The following PCDH15 variants were observed in gnomAD, a reference collection of about 807,000 sequenced individuals.
PCDH15 encodes the protein protocadherin related 15.
PCDH15 carries 129 observed loss-of-function variants against 178.5 expected under a neutral mutation model. The ratio of observed to expected loss-of-function variants is 0.72; its 90% confidence interval spans 0.63 to 0.84. PCDH15 has a LOEUF of 0.84. Ranked by LOEUF, PCDH15 falls within the 40% of genes least tolerant of loss-of-function variation. The pLI is 0.00. For missense variants in PCDH15, 2,230 were observed against 2,099.9 expected (o/e 1.06, Z -1.21); for synonymous variants, 800 against 732.0 (o/e 1.09, Z -1.50).
chr10:53,845,406 T>C (rs1053469074), intron 28 of PCDH15, among the ~76,000 whole-genome samples: 9 of 151,862 alleles, frequency 5.9e-5, no homozygotes, highest in Admixed American at 4.6e-4. Context: ...AATCAATATA[T>C]TGAAGAGTTA....
At chr10:54,911,106 G>A (rs1161153307) in intron 2 of PCDH15, among the ~76,000 whole-genome samples, 1 of 152,202 alleles carries the variant, frequency 6.6e-6, no homozygotes, top group Non-Finnish European at 1.5e-5. Context: ...TAATTTTTAA[G>A]ACTTTGAGTT....
intron 2 of PCDH15, among the ~76,000 whole-genome samples, chr10:55,155,999 A>G (rs2132106952): frequency 6.6e-6 from 1 of 152,222 alleles, no homozygotes; most frequent in South Asian, 2.1e-4. Context: ...CTGAAAGAAG[A>G]CCTGCAAATG....
At chr10:54,476,229 G>A (rs534467320) in intron 3 of PCDH15, among the ~76,000 whole-genome samples, 6 of 151,780 alleles carry the variant, frequency 4.0e-5, no homozygotes, top group Admixed American at 1.3e-4. Context: ...TGCAAATATA[G>A]GGAGTCTGAA....
At chr10:55,074,889 T>C (rs899369962) in intron 2 of PCDH15, among the ~76,000 whole-genome samples, 1 of 152,214 alleles carries the variant, frequency 6.6e-6, no homozygotes, top group Non-Finnish European at 1.5e-5. Flanking sequence ...AGATAATTTT[T>C]GTATAAGGTA....
At chr10:55,195,305 G>A (rs1840056974) in intron 1 of PCDH15, among the ~76,000 whole-genome samples, 1 of 151,746 alleles carries the variant, frequency 6.6e-6, no homozygotes, top group South Asian at 2.1e-4. Flanking sequence ...TTACAGGCAT[G>A]AGCCACTGCG....
chr10:54,571,615 T>TA (rs1183568637), intron 2 of PCDH15, among the ~76,000 whole-genome samples: 5 of 151,872 alleles, frequency 3.3e-5, no homozygotes, highest in Admixed American at 6.6e-5. Flanking sequence ...GGAATGGAAA[T>TA]AAAAAAATGA....
At chr10:55,580,132 C>T (rs2132119063) in intron 2 of PCDH15, among the ~76,000 whole-genome samples, 1 of 152,308 alleles carries the variant, frequency 6.6e-6, no homozygotes, top group African/African-American at 2.4e-5. Flanking sequence ...GCTGGGATTA[C>T]AGGCGTGAGC....
intron 2 of PCDH15, among the ~76,000 whole-genome samples, chr10:54,941,010 G>T (rs1399060650): frequency 6.6e-6 from 1 of 151,788 alleles, no homozygotes; most frequent in Non-Finnish European, 1.5e-5. Context: ...ATTTACTTTT[G>T]ATGTCATTGT....
At chr10:54,726,415 CAG>C (rs1942501020) in intron 1 of PCDH15, among the ~76,000 whole-genome samples, 2 of 130,662 alleles carry the variant, frequency 1.5e-5, no homozygotes, top group Non-Finnish European at 3.3e-5. Context: ...TTCTACCCAT[CAG>C]GGGTGTGTGT....
intron 1 of PCDH15, among the ~76,000 whole-genome samples, chr10:54,737,858 C>A (rs1323621408): frequency 1.3e-5 from 2 of 152,042 alleles, no homozygotes; most frequent in African/African-American, 2.4e-5. Flanking sequence ...GAGTTTAAAT[C>A]CTAATGTGGA....
chr10:53,807,022 T>C lies in PCDH15; in HGVS notation c.4780A>G (p.Ser1594Gly), dbSNP rs1035527169. Residue 1594 changes from serine to glycine, a missense_variant, in exon 38 of 38, where the codon AGT (serine) becomes GGT (glycine). By Grantham distance (56) the Ser-to-Gly change is moderately conservative (BLOSUM62 0). Coordinates refer to ENST00000644397, the MANE Select transcript of PCDH15 (RefSeq NM_001384140.1). Reference sequence around the variant, plus strand: ...TTGCCGTTGATATTACTGTGGATACTAGGATGGTGAAGACGGTTTCTCTGA... The same window carrying C: ...TTGCCGTTGATATTACTGTGGATACCAGGATGGTGAAGACGGTTTCTCTGA... ...ECQRNRLHHP[S>G]IHSNINGNIY... 10 of 1,613,700 alleles carry C rather than the reference T, an allele frequency of 6.2e-6. No individual in the cohort carries two copies. In the Admixed American group the frequency reaches 1.0e-4, roughly 16 times the overall value.
intron 5 of PCDH15, among the ~76,000 whole-genome samples, chr10:54,364,420 C>T (rs1301751338): frequency 6.6e-6 from 1 of 152,028 alleles, no homozygotes; most frequent in East Asian, 1.9e-4. Context: ...GATTAGAAAA[C>T]ACATTCTGTA....
chr10:54,356,501 A>G (rs1342283), intron 5 of PCDH15, among the ~76,000 whole-genome samples: 17,420 of 151,614 alleles, frequency 0.11, 1,785 homozygotes, highest in African/African-American at 0.28. Flanking sequence ...GACATATAGT[A>G]TACATTATAT....
intron 6 of PCDH15, among the ~76,000 whole-genome samples, chr10:54,336,334 C>A (rs930771339): frequency 6.6e-6 from 1 of 152,148 alleles, no homozygotes; most frequent in Non-Finnish European, 1.5e-5. Context: ...ATCACCAAGG[C>A]ATGGGGAAAA....
intron 2 of PCDH15, among the ~76,000 whole-genome samples, chr10:54,961,842 G>A (rs1431369424): frequency 6.6e-6 from 1 of 151,872 alleles, no homozygotes; most frequent in Non-Finnish European, 1.5e-5. Flanking sequence ...ACACTCTTTG[G>A]GATGACCTGT....
At chr10:54,957,198 A>G (rs796470378) in intron 2 of PCDH15, among the ~76,000 whole-genome samples, 3 of 151,718 alleles carry the variant, frequency 2.0e-5, no homozygotes, top group African/African-American at 7.2e-5. Context: ...ACTTCAAACT[A>G]AAGTATATGA....
chr10:55,001,790 G>A (rs895099285), intron 2 of PCDH15, among the ~76,000 whole-genome samples: 20 of 152,148 alleles, frequency 1.3e-4, no homozygotes, highest in African/African-American at 4.8e-4. Context: ...CAAAACTCAG[G>A]CAAAGATGCC....
At chr10:54,516,916 A>C (rs1389578391) in intron 3 of PCDH15, among the ~76,000 whole-genome samples, 1 of 152,156 alleles carries the variant, frequency 6.6e-6, no homozygotes, top group Non-Finnish European at 1.5e-5. Context: ...CAACATTCTT[A>C]AAGAAAAGAA....
chr10:54,235,351 G>A (rs1333489604), intron 9 of PCDH15, among the ~76,000 whole-genome samples: 1 of 152,210 alleles, frequency 6.6e-6, no homozygotes, highest in Non-Finnish European at 1.5e-5. Flanking sequence ...CAGGGTAGGT[G>A]ATCGTTTGTT....
Sources: gnomAD v4.1 joint callset for allele counts (sites outside exome capture counted in the v4.1 genomes callset) on GRCh38, gnomAD v4.1.1 for gene constraint, MANE v1.5 for transcripts, NCBI Gene and HGNC (gene_info 2026-07-23, HGNC 2026-07-21) for gene names.